SNX29: variants seen among roughly 807,000 people sequenced by gnomAD.
SNX29 encodes sorting nexin-29.
A neutral mutation model predicts 102.1 loss-of-function variants in SNX29; 78 were observed. The ratio of observed to expected loss-of-function variants is 0.76; its 90% confidence interval spans 0.64 to 0.92. SNX29 has a LOEUF of 0.92. SNX29 is among the 40% of genes least tolerant of loss of function. The pLI is 0.00. For synonymous variants in SNX29, 580 were observed against 414.5 expected (o/e 1.40, Z -4.85); for missense variants, 1,280 against 1,061.7 (o/e 1.21, Z -2.86).
At chr16:12,528,994 A>C (rs2076861020) in intron 20 of SNX29, among the ~76,000 whole-genome samples, 2 of 152,252 alleles carry the variant, frequency 1.3e-5, no homozygotes, top group South Asian at 4.1e-4. Flanking sequence ...TTCCATTTTT[A>C]AATTCCATTT....
chr16:12,343,849 A>G (rs1304860721), intron 15 of SNX29, among the ~76,000 whole-genome samples: 3 of 152,212 alleles, frequency 2.0e-5, no homozygotes, highest in African/African-American at 7.2e-5. Context: ...TAAGTAAATG[A>G]ATTAGTGCTT....
At chr16:12,094,587 G>T (rs1443284367) in intron 11 of SNX29, among the ~76,000 whole-genome samples, 1 of 152,132 alleles carries the variant, frequency 6.6e-6, no homozygotes, top group African/African-American at 2.4e-5. Flanking sequence ...GCAGGATGGT[G>T]GTTCTTAGCT....
intron 20 of SNX29, among the ~76,000 whole-genome samples, chr16:12,535,404 G>A (rs2077047155): frequency 6.6e-6 from 1 of 152,216 alleles, no homozygotes; most frequent in Non-Finnish European, 1.5e-5. Context: ...CCAAAGTGCT[G>A]GGATTACATG....
At chr16:12,447,025 G>C (rs1197228614) in intron 18 of SNX29, among the ~76,000 whole-genome samples, 1 of 151,590 alleles carries the variant, frequency 6.6e-6, no homozygotes, top group Non-Finnish European at 1.5e-5. Flanking sequence ...AAATTAGCAG[G>C]GTGTGGTGGC....
rs79726597 is a variant in SNX29, at chr16:12,179,219, C to G, written c.1596-20382C>G. On this transcript the variant is annotated intron_variant, in intron 13 of 20. Coordinates refer to ENST00000566228, the MANE Select transcript of SNX29 (RefSeq NM_032167.5). ...GGCTTGTGAGGGCCGGGCACAGTTG[C>G]TCACACCTGTACTCTTAGCTTTGGG... Among the ~76,000 whole-genome samples, 1,002 of 152,334 alleles carry G rather than the reference C, an allele frequency of 6.6e-3. 13 individuals carry two copies. The highest frequency in any genetic ancestry group is 0.023 in the African/African-American group (944 of 41,580).
intron 20 of SNX29, among the ~76,000 whole-genome samples, chr16:12,555,926 G>T (rs114136684): frequency 6.6e-6 from 1 of 152,138 alleles, no homozygotes; most frequent in Non-Finnish European, 1.5e-5. Flanking sequence ...TGCGTATGGT[G>T]TCAGGTCTGT....
intron 20 of SNX29, among the ~76,000 whole-genome samples, chr16:12,545,267 T>C (rs1382155433): frequency 6.6e-6 from 1 of 152,214 alleles, no homozygotes; most frequent in African/African-American, 2.4e-5. Flanking sequence ...AGAGTACTGT[T>C]GAGAAATTGG....
At chr16:12,312,585 G>A (rs951123925) in intron 15 of SNX29, among the ~76,000 whole-genome samples, 1 of 152,042 alleles carries the variant, frequency 6.6e-6, no homozygotes, top group African/African-American at 2.4e-5. Flanking sequence ...GGGAGGCCAG[G>A]GGGTCTCGCA....
At chr16:12,313,301 A>G (rs1293135852) in intron 15 of SNX29, among the ~76,000 whole-genome samples, 1 of 152,214 alleles carries the variant, frequency 6.6e-6, no homozygotes, top group Non-Finnish European at 1.5e-5. Context: ...GGCGTGAGCC[A>G]CTGCGCCTGG....
chr16:12,234,491 A>G (rs1216191120), intron 14 of SNX29, among the ~76,000 whole-genome samples: 1 of 150,158 alleles, frequency 6.7e-6, no homozygotes, highest in African/African-American at 2.5e-5. Flanking sequence ...TGATTTGCAT[A>G]CCTTTTCTAC....
intron 3 of SNX29, among the ~76,000 whole-genome samples, chr16:12,019,541 AT>A (rs2056953463): frequency 6.6e-6 from 1 of 151,498 alleles, no homozygotes; most frequent in East Asian, 1.9e-4. Context: ...GTGGCTCTTA[AT>A]TTTTTTACAT....
intron 2 of SNX29, chr16:12,000,399 C>G (rs1429282278): frequency 6.6e-6 from 1 of 152,166 alleles, no homozygotes; most frequent in Non-Finnish European, 1.5e-5. Context: ...TAGTAAGAGG[C>G]AGAGCTAGGA....
chr16:12,554,636 C>T lies in SNX29; in HGVS notation c.2319-13870C>T, dbSNP rs534646853. On this transcript the variant is annotated intron_variant, in intron 20 of 20. Transcript: ENST00000566228. ...CTCACACATACCTGCCTCAGTTTCC[C>T]CAGGTTTCACCAGTTTGTGCATTTG... Among the ~76,000 whole-genome samples, 3 of 152,322 alleles carry T rather than the reference C, an allele frequency of 2.0e-5. No individual in the cohort carries two copies. The East Asian group carries it at 5.8e-4, about 29-fold the overall frequency.
chr16:12,183,389 C>G (rs1281162624), intron 13 of SNX29, among the ~76,000 whole-genome samples: 2 of 151,992 alleles, frequency 1.3e-5, no homozygotes, highest in African/African-American at 2.4e-5. Context: ...CTTGGATGTA[C>G]CTACCGTCCA....
intron 16 of SNX29, 22 bp from the exon 17 acceptor site, chr16:12,398,424 C>T (rs776093536): frequency 1.9e-6 from 3 of 1,613,730 alleles, no homozygotes; most frequent in South Asian, 2.2e-5. Flanking sequence ...TTTCTCCCCT[C>T]TCCCCCTTCT....
At chr16:12,275,348 TTA>T (rs989099033) in intron 14 of SNX29, among the ~76,000 whole-genome samples, 1 of 152,212 alleles carries the variant, frequency 6.6e-6, no homozygotes, top group African/African-American at 2.4e-5. Context: ...TGTGTTACTT[TTA>T]TGTCTCCATT....
intron 18 of SNX29, among the ~76,000 whole-genome samples, chr16:12,441,219 T>C (rs916964847): frequency 2.0e-5 from 3 of 151,236 alleles, no homozygotes; most frequent in Non-Finnish European, 4.4e-5. Context: ...TCCCGAGTAG[T>C]TGGGACTACA....
intron 20 of SNX29, among the ~76,000 whole-genome samples, chr16:12,557,883 T>G (rs552779913): frequency 1.8e-4 from 28 of 152,290 alleles, no homozygotes; most frequent in African/African-American, 6.5e-4. Context: ...GAGGAGGGCC[T>G]CTGCAGGCAA....
intron 19 of SNX29, among the ~76,000 whole-genome samples, chr16:12,492,281 T>C (rs1238783542): frequency 2.6e-5 from 4 of 152,236 alleles, no homozygotes; most frequent in Non-Finnish European, 5.9e-5. Flanking sequence ...TCATGGCCAG[T>C]GATGATGAGC....
Sources: gnomAD v4.1 joint callset for allele counts (sites outside exome capture counted in the v4.1 genomes callset) on GRCh38, gnomAD v4.1.1 for gene constraint, MANE v1.5 for transcripts, NCBI Gene and HGNC (gene_info 2026-07-23, HGNC 2026-07-21) for gene names.